The following AQR variants were observed in gnomAD, a reference collection of about 807,000 sequenced individuals.
AQR encodes the protein aquarius intron-binding spliceosomal factor.
Under a neutral mutation model 180.5 loss-of-function variants are expected in AQR, and 61 were observed. That is an observed-to-expected ratio of 0.34 (90% CI 0.28 to 0.42). AQR has a LOEUF of 0.42. Among genes scored for constraint, AQR ranks in the 10% least tolerant of loss-of-function variants. AQR has a pLI of 1.00. For synonymous variants in AQR, 551 were observed against 588.8 expected (o/e 0.94, Z 0.93); for missense variants, 1,281 against 1,798.3 (o/e 0.71, Z 5.20).
chr15:34,962,911 T>C (rs954319300), intron 2 of AQR, among the ~76,000 whole-genome samples: 1 of 152,216 alleles, frequency 6.6e-6, no homozygotes, highest in African/African-American at 2.4e-5. Context: ...AAATTTATAA[T>C]GGCAAAGCTT....
chr15:34,917,991 A>G (rs765885091), intron 15 of AQR, among the ~76,000 whole-genome samples: 3 of 148,246 alleles, frequency 2.0e-5, no homozygotes, highest in South Asian at 2.1e-4. Context: ...TCACACTAAC[A>G]AACAAAAAAA....
intron 33 of AQR, among the ~76,000 whole-genome samples, chr15:34,860,409 TAAA>T (rs35242788): frequency 7.1e-6 from 1 of 140,814 alleles, no homozygotes. Context: ...TGACTCCCAT[TAAA>T]AAAAAAAAAA....
intron 7 of AQR, 108 bp from the exon 8 acceptor site, chr15:34,941,107 A>T: frequency 1.6e-6 from 1 of 633,702 alleles, no homozygotes; most frequent in Non-Finnish European, 2.6e-6. Context: ...AAAATAGAGC[A>T]ATCTGATAAA....
At chr15:34,912,547 A>G (rs1321493211) in intron 16 of AQR, among the ~76,000 whole-genome samples, 2 of 151,790 alleles carry the variant, frequency 1.3e-5, no homozygotes, top group African/African-American at 4.8e-5. Context: ...CTATAATTTC[A>G]AAAAAAATTA....
At chr15:34,884,388 AG>A in intron 26 of AQR, 136 bp downstream of exon 26, 1 of 726,808 alleles carries the variant, frequency 1.4e-6, no homozygotes, top group South Asian at 2.0e-5. Context: ...CCTGGGCAAC[AG>A]GGCAAGACTC....
chr15:34,886,792 A>G lies in AQR; in HGVS notation c.2682-131T>C, dbSNP rs1006258579. 5.3e-6 allele frequency: 5 copies of G among 945,044 alleles called. No homozygotes were observed. The East Asian group carries it at 1.3e-4, about 25-fold the overall frequency. 58.5% of individuals were successfully genotyped at this position (945,044 alleles called of 1,614,324 possible). Reference sequence around the variant, plus strand: ...AACTAGAAGATATGGCTTCTATTTAACTATTGGTGGTAGTTCTTGGGTTAC... The same window carrying G: ...AACTAGAAGATATGGCTTCTATTTAGCTATTGGTGGTAGTTCTTGGGTTAC... On this transcript the variant is annotated intron_variant, in intron 24 of 34. Coordinates refer to ENST00000156471, the MANE Select transcript of AQR (RefSeq NM_014691.3).
intron 31 of AQR, 34 bp from the exon 32 acceptor site, chr15:34,867,643 G>A: frequency 6.7e-7 from 1 of 1,502,908 alleles, no homozygotes; most frequent in Non-Finnish European, 9.2e-7. Flanking sequence ...TGGTGCATTT[G>A]CAAAAGCCAA....
At chr15:34,964,188 A>G in intron 2 of AQR, 46 bp downstream of exon 2, 1 of 1,300,774 alleles carries the variant, frequency 7.7e-7, no homozygotes, top group Non-Finnish European at 1.1e-6. Flanking sequence ...ACCCTTTAAA[A>G]GGAGTGTAAC....
At position 34,967,962 on chromosome 15, in the gene AQR, C is replaced by A. The variant is rs187927320; in HGVS notation, c.75+1577G>T. The stretch of plus-strand genomic sequence containing the variant: ...CCGAGTAGCTGGGATTACAGGCATG[C>A]ACCACCAAGCCTGCCTACTTTTGTA... On this transcript the variant is annotated intron_variant, in intron 1 of 34. Transcript: ENST00000156471. 2.6e-3 allele frequency among the ~76,000 whole-genome samples: 385 copies of A among 149,638 alleles called. 1 individual carries two copies. The highest frequency in any genetic ancestry group is 9.0e-3 in the African/African-American group (367 of 40,738).
chr15:34,922,254 A>G (rs1893694828), intron 13 of AQR, among the ~76,000 whole-genome samples: 1 of 152,182 alleles, frequency 6.6e-6, no homozygotes, highest in East Asian at 1.9e-4. Context: ...GTATCACAGT[A>G]TGTTTATTCA....
chr15:34,873,777 T>C (rs1892855316), intron 30 of AQR, 51 bp downstream of exon 30: 20 of 1,453,618 alleles, frequency 1.4e-5, no homozygotes, highest in Non-Finnish European at 1.8e-5. Flanking sequence ...TTTAGGCATA[T>C]GTCAGCCAGC....
At chr15:34,937,650 G>A (rs965800060) in intron 9 of AQR, among the ~76,000 whole-genome samples, 2 of 152,220 alleles carry the variant, frequency 1.3e-5, no homozygotes, top group African/African-American at 2.4e-5. Context: ...TTGGGAGGCC[G>A]AGGCAGGCAG....
chr15:34,936,505 C>G (rs1205484340), intron 9 of AQR, among the ~76,000 whole-genome samples: 1 of 152,128 alleles, frequency 6.6e-6, no homozygotes, highest in African/African-American at 2.4e-5. Flanking sequence ...CACTTGAGGT[C>G]AGGAGTTCAA....
chr15:34,954,000 C>T (rs1211670363), intron 3 of AQR, among the ~76,000 whole-genome samples: 1 of 152,140 alleles, frequency 6.6e-6, no homozygotes. Flanking sequence ...CTGCAACCTC[C>T]GCCTCCCAGG....
rs374884269 is a variant in AQR, at chr15:34,854,155, G to T, written c.*2637C>A. On this transcript the variant is annotated 3_prime_UTR_variant, in exon 35 of 35. Coordinates refer to ENST00000156471, the MANE Select transcript of AQR (RefSeq NM_014691.3). ...ATGAACTTTCTTAACTCAGAATTTT[G>T]AAAAAAAAAAAAAAAAAAGAAGAAG... 3 of 130,796 alleles carry T rather than the reference G, an allele frequency of 2.3e-5. No individual in the cohort carries two copies. Among genetic ancestry groups the T allele is most frequent in the East Asian group, 2.4e-4 (1 of 4,222 alleles). 8.1% of individuals were successfully genotyped at this position (130,796 alleles called of 1,614,324 possible).
intron 5 of AQR, among the ~76,000 whole-genome samples, chr15:34,946,743 CGGGA>C (rs1412023480): frequency 7.1e-6 from 1 of 141,006 alleles, no homozygotes; most frequent in Admixed American, 6.9e-5. Flanking sequence ...CCGCCCCGTC[CGGGA>C]GGGAGGGAGG....
At chr15:34,969,237 A>G (rs1424423814) in intron 1 of AQR, among the ~76,000 whole-genome samples, 1 of 152,070 alleles carries the variant, frequency 6.6e-6, no homozygotes, top group African/African-American at 2.4e-5. Flanking sequence ...TCCTCTCTGA[A>G]TCCATTGCTC....
intron 5 of AQR, among the ~76,000 whole-genome samples, chr15:34,945,761 T>C (rs1270628081): frequency 6.6e-6 from 1 of 152,208 alleles, no homozygotes; most frequent in Admixed American, 6.5e-5. Context: ...TTGGTGACCA[T>C]TTACTCAAAA....
intron 13 of AQR, among the ~76,000 whole-genome samples, chr15:34,921,244 G>A (rs1893679633): frequency 6.6e-6 from 1 of 151,704 alleles, no homozygotes; most frequent in African/African-American, 2.4e-5. Context: ...GATCAGCCTG[G>A]ACAATATGGT....
Sources: gnomAD v4.1 joint callset for allele counts (sites outside exome capture counted in the v4.1 genomes callset) on GRCh38, gnomAD v4.1.1 for gene constraint, MANE v1.5 for transcripts, NCBI Gene and HGNC (gene_info 2026-07-23, HGNC 2026-07-21) for gene names.